The following SNPH variants were observed in gnomAD, a reference collection of about 807,000 sequenced individuals.
The protein encoded by SNPH is syntaphilin.
SNPH carries 10 observed loss-of-function variants against 36.8 expected under a neutral mutation model. That is an observed-to-expected ratio of 0.27 (90% CI 0.17 to 0.46). SNPH has a LOEUF of 0.46. Among genes scored for constraint, SNPH ranks in the 20% least tolerant of loss-of-function variants. The pLI is 1.00. For synonymous variants in SNPH, 281 were observed against 312.2 expected, an observed-to-expected ratio of 0.90 and a Z score of 1.05; for missense variants, 622 against 744.0, an observed-to-expected ratio of 0.84 and a Z score of 1.91.
rs1020561704 is a variant in SNPH, at chr20:1,266,523, C to A, written c.-600+126C>A. 2 of 1,285,256 alleles carry A rather than the reference C, an allele frequency of 1.6e-6. No individual in the cohort carries two copies. The highest frequency in any genetic ancestry group is 1.0e-6 in the Non-Finnish European group (1 of 991,942). The allele number at this position is 1,285,256 out of a possible 1,614,324, so 79.6% of individuals were successfully genotyped here. ...CGCGAGGAGGAGGGGACGGAGCACC[C>A]GGCAGGCAGCCTGCCCTCCAAGCCT... On this transcript the variant is annotated intron_variant, in intron 1 of 6. Coordinates refer to ENST00000381867, the MANE Select transcript of SNPH (RefSeq NM_001318234.2). This position sits in a 1 kb window ranked among gnomAD's most constrained non-coding sequence, Gnocchi z 6.0.
At position 1,304,889 on chromosome 20, in the gene SNPH, T is replaced by C. The variant is rs751246300; in HGVS notation, c.452T>C (p.Ile151Thr). Residue 151 changes from isoleucine to threonine, a missense_variant, in exon 7 of 7, where the codon ATT becomes ACT. Coordinates refer to ENST00000381867, the MANE Select transcript of SNPH (RefSeq NM_001318234.2). The surrounding 1 kb of genome is among the most constrained non-coding windows in gnomAD (Gnocchi z 4.3). ...QDRLQDRDTE[I>T]DDLKTQLSRM... ...TCCTCGGCTCGCAGGGACACAGAGA[T>C]TGATGACCTGAAGACGCAGCTGTCA... The C allele has an allele frequency of 6.2e-7, 1 of 1,612,788 alleles. No homozygotes were observed. Among genetic ancestry groups the C allele is most frequent in the Admixed American group, 1.7e-5 (1 of 59,986 alleles).
Position 1,305,976 on chromosome 20 carries a change from G to A in SNPH, c.1539G>A (p.Leu513=). 1 of 1,553,316 alleles carries A rather than the reference G, an allele frequency of 6.4e-7. No individual in the cohort carries two copies. Among genetic ancestry groups the A allele is most frequent in the African/African-American group, 1.4e-5 (1 of 73,564 alleles). Residue 513 remains leucine, a synonymous_variant, in exon 7 of 7, where the codon TTG becomes TTA. Coordinates refer to ENST00000381867, the MANE Select transcript of SNPH (RefSeq NM_001318234.2). ...SLLRGCCTVA[L]HSIRRISCRS... is the part of the protein sequence containing the mutation. ...TGCGGGGCTGCTGCACTGTGGCCTTGCACTCCATCCGCAGGATCAGCTGCC... is the reference window on the plus strand; with the variant it reads ...TGCGGGGCTGCTGCACTGTGGCCTTACACTCCATCCGCAGGATCAGCTGCC...
At chr20:1,270,232 C>G (rs1568536520) in intron 2 of SNPH, among the ~76,000 whole-genome samples, 1 of 152,212 alleles carries the variant, frequency 6.6e-6, no homozygotes. Context: ...AAGTGCATAG[C>G]ATGCAGGAAA....
rs765009626 is a variant in SNPH, at chr20:1,276,624, G to A, written c.-493+9864G>A. ...GTGTAAAGCCCCTACCTAGCCCAGG[G>A]GCTTTATTTATTAAACACAGTAGGT... On this transcript the variant is annotated intron_variant, in intron 2 of 6. Coordinates refer to ENST00000381867, the MANE Select transcript of SNPH (RefSeq NM_001318234.2). The surrounding 1 kb of genome is among the most constrained non-coding windows in gnomAD (Gnocchi z 4.6). Among the ~76,000 whole-genome samples the A allele has an allele frequency of 2.0e-4, 30 of 152,096 alleles. No individual in the cohort carries two copies. The highest frequency in any genetic ancestry group is 4.0e-4 in the Non-Finnish European group (27 of 68,028).
intron 2 of SNPH, among the ~76,000 whole-genome samples, chr20:1,272,145 A>G (rs1421574734): frequency 6.6e-6 from 1 of 152,102 alleles, no homozygotes; most frequent in African/African-American, 2.4e-5. Context: ...AACTCACTGC[A>G]TTGTCTGTAT....
intron 2 of SNPH, among the ~76,000 whole-genome samples, chr20:1,291,087 G>T (rs2088355971): frequency 1.3e-5 from 2 of 152,234 alleles, no homozygotes; most frequent in Admixed American, 6.5e-5. Flanking sequence ...CTCTTGGGTG[G>T]TTTGAAGACC....
rs1183974517 is a variant in SNPH at position 1,308,164 on chromosome 20, G to A, written c.*2110G>A. The A allele has an allele frequency of 6.5e-6, 1 of 152,910 alleles. No individual in the cohort carries two copies. Among genetic ancestry groups the A allele is most frequent in the Admixed American group, 6.5e-5 (1 of 15,298 alleles). 9.5% of individuals were successfully genotyped at this position (152,910 alleles called of 1,614,324 possible). On this transcript the variant is annotated 3_prime_UTR_variant, in exon 7 of 7. Transcript: ENST00000381867. Reference sequence around the variant, plus strand: ...GTCTTGTGTTTTGGTGGATGTGACAGGGCTGGGGCCACAGTCTACTCTGTC... The same window carrying A: ...GTCTTGTGTTTTGGTGGATGTGACAAGGCTGGGGCCACAGTCTACTCTGTC...
intron 5 of SNPH, among the ~76,000 whole-genome samples, chr20:1,298,212 G>A (rs1487753919): frequency 1.3e-5 from 2 of 150,444 alleles, no homozygotes; most frequent in Admixed American, 6.6e-5. Context: ...CTAATAACTC[G>A]GAAGCTTCGG....
At chr20:1,280,649 C>T (rs1011683052) in intron 2 of SNPH, among the ~76,000 whole-genome samples, 3 of 152,212 alleles carry the variant, frequency 2.0e-5, no homozygotes, top group East Asian at 1.9e-4. Context: ...AGCTGAGTGT[C>T]CTGGCCCCAA....
At chr20:1,272,608 T>C (rs79787658) in intron 2 of SNPH, among the ~76,000 whole-genome samples, 9,148 of 152,342 alleles carry the variant, frequency 0.06, 381 homozygotes, top group South Asian at 0.1. Flanking sequence ...AATGTGTATG[T>C]GACCGGCCAT....
rs564512596 is a variant in SNPH at position 1,276,119 on chromosome 20, G to C, written c.-493+9359G>C. 6.6e-6 allele frequency among the ~76,000 whole-genome samples: 1 copy of C among 152,296 alleles called. No individual in the cohort carries two copies. The highest frequency in any genetic ancestry group is 2.1e-4 in the South Asian group (1 of 4,828). ...CACCCTCCTGTTCCCTGACTGCAGA[G>C]ACCAGCCCTCCCTGGGTGGCACGCA... On this transcript the variant is annotated intron_variant, in intron 2 of 6. Coordinates refer to ENST00000381867, the MANE Select transcript of SNPH (RefSeq NM_001318234.2). This position sits in a 1 kb window ranked among gnomAD's most constrained non-coding sequence, Gnocchi z 4.6.
rs1020561704 is a variant in SNPH, at chr20:1,266,523, C to G, written c.-600+126C>G. The G allele has an allele frequency of 2.3e-6, 3 of 1,285,256 alleles. No individual in the cohort carries two copies. The highest frequency in any genetic ancestry group is 1.6e-5 in the African/African-American group (1 of 63,712). 79.6% of individuals were successfully genotyped at this position (1,285,256 alleles called of 1,614,324 possible). ...CGCGAGGAGGAGGGGACGGAGCACCCGGCAGGCAGCCTGCCCTCCAAGCCT... is the reference window on the plus strand; with the variant it reads ...CGCGAGGAGGAGGGGACGGAGCACCGGGCAGGCAGCCTGCCCTCCAAGCCT... On this transcript the variant is annotated intron_variant, in intron 1 of 6. Transcript: ENST00000381867. This position sits in a 1 kb window ranked among gnomAD's most constrained non-coding sequence, Gnocchi z 6.0.
At chr20:1,299,719 C>T (rs925318988) in intron 5 of SNPH, among the ~76,000 whole-genome samples, 9 of 152,318 alleles carry the variant, frequency 5.9e-5, no homozygotes, top group East Asian at 1.9e-4. Context: ...CATGTGCCCC[C>T]GGAGGTGAAA....
intron 2 of SNPH, among the ~76,000 whole-genome samples, chr20:1,278,197 T>C (rs2088175698): frequency 6.6e-6 from 1 of 151,692 alleles, no homozygotes; most frequent in Non-Finnish European, 1.5e-5. Flanking sequence ...TGTGTCTCTG[T>C]GTCAGTGTCT....
At chr20:1,281,833 G>C (rs1259863345) in intron 2 of SNPH, among the ~76,000 whole-genome samples, 2 of 152,264 alleles carry the variant, frequency 1.3e-5, no homozygotes, top group African/African-American at 4.8e-5. Flanking sequence ...CCATGCCAGA[G>C]CTGCCACACA....
At chr20:1,277,082 G>A (rs2088140583) in intron 2 of SNPH, among the ~76,000 whole-genome samples, 1 of 152,206 alleles carries the variant, frequency 6.6e-6, no homozygotes, top group Admixed American at 6.5e-5. Flanking sequence ...AGGGATCCTG[G>A]AAAGGGAATC....
At chr20:1,290,653 C>T (rs2088349896) in intron 2 of SNPH, among the ~76,000 whole-genome samples, 1 of 152,216 alleles carries the variant, frequency 6.6e-6, no homozygotes, top group Non-Finnish European at 1.5e-5. Context: ...GTGAAGTACA[C>T]TTCTTATACA....
At position 1,306,182 on chromosome 20, in the gene SNPH, C is replaced by A. The variant is rs1238558896; in HGVS notation, c.*128C>A. On this transcript the variant is annotated 3_prime_UTR_variant, in exon 7 of 7. Coordinates refer to ENST00000381867, the MANE Select transcript of SNPH (RefSeq NM_001318234.2). ...TGGGTGTGGAACTGTTTCTTTTTTT[C>A]AAGATGTTAAAACAGTCCCGTGGAA... 3.5e-6 allele frequency: 3 copies of A among 847,260 alleles called. No individual in the cohort carries two copies. Among genetic ancestry groups the A allele is most frequent in the East Asian group, 3.1e-5 (1 of 31,976 alleles). 52.5% of individuals were successfully genotyped at this position (847,260 alleles called of 1,614,324 possible). A position where few individuals can be genotyped will look rare whatever the true frequency, so the allele number is the denominator to read the frequency against.
At position 1,296,006 on chromosome 20, in the gene SNPH, G is replaced by C. The variant is rs886733328; in HGVS notation, c.-234G>C. ...TCGGTGCCGGCAGTCAGGAGGCCCT[G>C]CTCCTGAAGCCTCTGTGACCTTGGG... On this transcript the variant is annotated 5_prime_UTR_variant, in exon 4 of 7. Transcript: ENST00000381867. 1.1e-5 allele frequency: 5 copies of C among 472,406 alleles called. No homozygotes were observed. Among genetic ancestry groups the C allele is most frequent in the Non-Finnish European group, 1.8e-5 (5 of 272,858 alleles). 29.3% of individuals were successfully genotyped at this position (472,406 alleles called of 1,614,324 possible).
Sources: allele counts gnomAD v4.1 joint callset (sites outside exome capture counted in the v4.1 genomes callset), GRCh38; gene constraint gnomAD v4.1.1; non-coding constraint Gnocchi (gnomAD v3.1); transcripts MANE v1.5; gene names NCBI Gene and HGNC (gene_info 2026-07-23, HGNC 2026-07-21).